NFIB: variants seen among roughly 807,000 people sequenced by gnomAD.
The protein encoded by NFIB is nuclear factor I B.
In NFIB, 11 loss-of-function variants were observed where a neutral mutation model predicts 61.5. That is an observed-to-expected ratio of 0.18 (90% CI 0.11 to 0.30). The LOEUF is 0.30. Among genes scored for constraint, NFIB ranks in the 10% least tolerant of loss-of-function variants. NFIB has a pLI of 1.00. For synonymous variants in NFIB, 260 were observed against 216.5 expected (o/e 1.20, Z -1.76); for missense variants, 471 against 608.9 (o/e 0.77, Z 2.38).
At chr9:14,249,530 C>T (rs1159884522) in intron 2 of NFIB, among the ~76,000 whole-genome samples, 1 of 151,930 alleles carries the variant, frequency 6.6e-6, no homozygotes, top group Non-Finnish European at 1.5e-5. Context: ...TTTTTGTGAT[C>T]CTTTGATTTG....
chr9:14,285,729 G>A lies in NFIB; in HGVS notation c.562+21260C>T, dbSNP rs73417723. ...GGTGACTTTGCAAACAATACCTGGCGCATAGTAAATGCTCACTAAATGTTA... is the reference window on the plus strand; with the variant it reads ...GGTGACTTTGCAAACAATACCTGGCACATAGTAAATGCTCACTAAATGTTA... On this transcript the variant is annotated intron_variant, in intron 2 of 10. Coordinates refer to ENST00000380953, the MANE Select transcript of NFIB (RefSeq NM_001190737.2). Among the ~76,000 whole-genome samples, 1,244 of 152,214 alleles carry A rather than the reference G, an allele frequency of 8.2e-3. 13 individuals carry two copies. The highest frequency in any genetic ancestry group is 0.029 in the African/African-American group (1,185 of 41,520).
At chr9:14,411,975 G>A in the NFIB span, among the ~76,000 whole-genome samples, 10 of 152,304 alleles carry the variant, frequency 6.6e-5, no homozygotes, top group South Asian at 2.1e-4. Context: ...CAACAGCCAC[G>A]TGAGTGAGCT....
At chr9:14,518,710 T>C in the NFIB span, among the ~76,000 whole-genome samples, 2 of 151,510 alleles carry the variant, frequency 1.3e-5, no homozygotes, top group Non-Finnish European at 2.9e-5. Flanking sequence ...GAAGGGAAGC[T>C]GAAGAACTAC....
chr9:14,450,974 A>G, the NFIB span, among the ~76,000 whole-genome samples: 22 of 152,214 alleles, frequency 1.4e-4, no homozygotes, highest in Non-Finnish European at 2.6e-4. Context: ...TATATTTTTC[A>G]CAAACGAGAC....
At chr9:14,375,183 G>T (rs529131604) in intron 1 of NFIB, among the ~76,000 whole-genome samples, 2 of 152,182 alleles carry the variant, frequency 1.3e-5, no homozygotes, top group African/African-American at 4.8e-5. Context: ...GGCTCATATA[G>T]TGGTTCCTCA....
rs2041477716 is a variant in NFIB at position 14,139,795 on chromosome 9, A to C, written c.925+6894T>G. Among the ~76,000 whole-genome samples, 3 of 152,110 alleles carry C rather than the reference A, an allele frequency of 2.0e-5. No individual in the cohort carries two copies. In the South Asian group the frequency reaches 6.2e-4, roughly 32 times the overall value. On this transcript the variant is annotated intron_variant, in intron 6 of 10. Transcript: ENST00000380953. Reference sequence around the variant, plus strand: ...TGATGAAAGCCTTCACCAACAATTTATTGTTTTCCTTTCCATTTTGAAGAA... The same window carrying C: ...TGATGAAAGCCTTCACCAACAATTTCTTGTTTTCCTTTCCATTTTGAAGAA...
chr9:14,523,500 C>T, the NFIB span, among the ~76,000 whole-genome samples: 1 of 152,008 alleles, frequency 6.6e-6, no homozygotes, highest in Non-Finnish European at 1.5e-5. Context: ...AAATGCCAGC[C>T]CATGCCAGAG....
the NFIB span, among the ~76,000 whole-genome samples, chr9:14,417,342 C>A: frequency 6.6e-6 from 1 of 152,188 alleles, no homozygotes. Flanking sequence ...ACAGGCTATA[C>A]CACAGAGCCT....
At position 14,341,166 on chromosome 9, in the gene NFIB, C is replaced by T. The variant is rs141405087; in HGVS notation, c.109-33646G>A. On this transcript the variant is annotated intron_variant, in intron 1 of 8. Transcript: ENST00000380934. ...AATCTGCTAGTCTTCTGGCATCACA[C>T]GTTGTGGTCTTTTCCATTTGAGGGA... is the stretch of plus-strand genomic sequence containing the variant. Among the ~76,000 whole-genome samples, 541 of 152,270 alleles carry T rather than the reference C, an allele frequency of 3.6e-3. 1 individual carries two copies. Among genetic ancestry groups the T allele is most frequent in the African/African-American group, 0.012 (515 of 41,554 alleles).
chr9:14,275,189 G>C (rs937736576), intron 2 of NFIB, among the ~76,000 whole-genome samples: 1 of 152,134 alleles, frequency 6.6e-6, no homozygotes, highest in Non-Finnish European at 1.5e-5. Context: ...ACGTGGACAA[G>C]GCCAGGATCA....
intron 1 of NFIB, among the ~76,000 whole-genome samples, chr9:14,342,358 G>A (rs1210996616): frequency 6.6e-6 from 1 of 152,060 alleles, no homozygotes; most frequent in African/African-American, 2.4e-5. Flanking sequence ...TGAAAACTGG[G>A]GCAAGTGGCA....
the NFIB span, among the ~76,000 whole-genome samples, chr9:14,481,195 G>GTA: frequency 1.5e-3 from 51 of 35,058 alleles, no homozygotes; most frequent in African/African-American, 4.4e-3. Flanking sequence ...GTGTGTGTGT[G>GTA]TGTATATATA....
At chr9:14,366,493 T>C (rs2061301615) in intron 1 of NFIB, among the ~76,000 whole-genome samples, 1 of 152,074 alleles carries the variant, frequency 6.6e-6, no homozygotes, top group Non-Finnish European at 1.5e-5. Context: ...ATTCTTTTTT[T>C]TTTTCTTCTT....
chr9:14,123,248 TC>T (rs1436363306), intron 7 of NFIB, among the ~76,000 whole-genome samples: 2 of 132,216 alleles, frequency 1.5e-5, no homozygotes. Context: ...AGACCCTGTC[TC>T]AAAAAAAAAA....
the NFIB span, among the ~76,000 whole-genome samples, chr9:14,505,863 C>T: frequency 1.3e-5 from 2 of 151,934 alleles, no homozygotes; most frequent in African/African-American, 2.4e-5. Context: ...GGAAATTACA[C>T]GTATATCATG....
chr9:14,344,818 T>C (rs930878528), intron 1 of NFIB, among the ~76,000 whole-genome samples: 1 of 152,064 alleles, frequency 6.6e-6, no homozygotes, highest in Non-Finnish European at 1.5e-5. Flanking sequence ...AGGGCATACA[T>C]ACTAAAAGAA....
At chr9:14,530,877 A>G in the NFIB span, among the ~76,000 whole-genome samples, 81 of 152,278 alleles carry the variant, frequency 5.3e-4, no homozygotes, top group African/African-American at 1.4e-3. Flanking sequence ...AAAGCAATCA[A>G]GACAGAAAAG....
chr9:14,454,015 G>A, the NFIB span, among the ~76,000 whole-genome samples: 2 of 152,090 alleles, frequency 1.3e-5, no homozygotes, highest in East Asian at 1.9e-4. Context: ...GAGGCAATGA[G>A]CCGAGATCGC....
chr9:14,334,660 AT>A (rs1035267215), intron 1 of NFIB, among the ~76,000 whole-genome samples: 3 of 152,044 alleles, frequency 2.0e-5, no homozygotes, highest in South Asian at 2.1e-4. Context: ...ATGTTGCAAT[AT>A]TTTTTTTAAA....
Sources: allele counts gnomAD v4.1 joint callset (sites outside exome capture counted in the v4.1 genomes callset), GRCh38; gene constraint gnomAD v4.1.1; transcripts MANE v1.5; gene names NCBI Gene and HGNC (gene_info 2026-07-23, HGNC 2026-07-21).